Variants in PLXNA1 observed in about 807,000 individuals in gnomAD.
The protein encoded by PLXNA1 is plexin A1.
In PLXNA1, 77 loss-of-function variants were observed where a neutral mutation model predicts 191.7. The ratio of observed to expected loss-of-function variants is 0.40; its 90% CI spans 0.33 to 0.49. The LOEUF (loss-of-function observed/expected upper bound fraction) is 0.49, where lower values mean the gene tolerates loss of function less well. Ranked by LOEUF, PLXNA1 falls within the 20% of genes least tolerant of loss-of-function variation. PLXNA1 has a pLI of 0.63. For missense variants in PLXNA1, 2,110 were observed against 2,660.2 expected (o/e 0.79, Z 4.55); for synonymous variants, 1,137 against 1,156.4 (o/e 0.98, Z 0.34).
At position 127,022,121 on chromosome 3, in the gene PLXNA1, G is replaced by A. The variant is rs766170133; in HGVS notation, c.4075G>A (p.Gly1359Arg). The A allele has an allele frequency of 3.7e-6, 6 of 1,613,026 alleles. No individual in the cohort carries two copies. Among genetic ancestry groups the A allele is most frequent in the African/African-American group, 2.7e-5 (2 of 74,932 alleles). ...ANVEKSLTLF[G>R]QLLTKKHFLL... is the part of the protein sequence containing the mutation. The stretch of plus-strand genomic sequence containing the variant: ...TGTGGAGAAGTCGCTGACACTGTTC[G>A]GGCAGCTGCTGACCAAGAAGCACTT... The change falls in exon 22 of 32, where the codon GGG (glycine) becomes AGG (arginine). Residue 1359 changes from glycine to arginine, a missense_variant. Physicochemically the swap from Gly to Arg is moderately radical, Grantham distance 125. Around this residue, in one of 4 missense-constraint regions of PLXNA1, gnomAD observed 559 missense variants for 911.5 expected, o/e 0.61. Transcript: ENST00000393409.
chr3:127,029,656 T>A, intron 27 of PLXNA1, 120 bp downstream of exon 27: 1 of 1,174,296 alleles, frequency 8.5e-7, no homozygotes, highest in Non-Finnish European at 1.2e-6. Context: ...GTGTCAAGCC[T>A]GTCACTCGCA....
At chr3:127,005,381 T>A in intron 7 of PLXNA1, 138 bp downstream of exon 7, 1 of 1,095,178 alleles carries the variant, frequency 9.1e-7, no homozygotes, top group Non-Finnish European at 1.3e-6. Flanking sequence ...TGGGTGGGGG[T>A]CTCACCACCT....
At position 127,027,999 on chromosome 3, in the gene PLXNA1, G is replaced by A. The variant is rs1357238883; in HGVS notation, c.4422G>A (p.Lys1474=). The A allele has an allele frequency of 6.2e-7, 1 of 1,614,012 alleles. No individual in the cohort carries two copies. The highest frequency in any genetic ancestry group is 1.7e-5 in the Admixed American group (1 of 60,030). The change falls in exon 24 of 32, where the codon AAG becomes AAA. Residue 1474 remains lysine, a synonymous_variant. Transcript: ENST00000393409. ...GCGCCATCAAGCAGCAGATGGAGAA[G>A]GGCCCCATTGACGCCATCACGGGTG... ...LYCAIKQQME[K]GPIDAITGEA... is the part of the protein sequence containing the mutation.
intron 11 of PLXNA1, 30 bp downstream of exon 11, chr3:127,014,146 T>C: frequency 6.2e-7 from 1 of 1,612,982 alleles, no homozygotes; most frequent in Non-Finnish European, 8.5e-7. Context: ...GGGTGGGCAG[T>C]GGGCGGGCCC....
At chr3:126,984,369 G>C (rs533474565) in intron 1 of PLXNA1, among the ~76,000 whole-genome samples, 1 of 152,366 alleles carries the variant, frequency 6.6e-6, no homozygotes, top group South Asian at 2.1e-4. Context: ...GCTGCTCCGT[G>C]CTGCCCCATC....
chr3:127,007,865 C>T lies in PLXNA1; in HGVS notation c.2064C>T (p.His688=), dbSNP rs753007195. The change falls in exon 9 of 32, where the codon CAC becomes CAT. Residue 688 remains histidine, a synonymous_variant. Coordinates refer to ENST00000393409, the MANE Select transcript of PLXNA1 (RefSeq NM_032242.4). ...HWCKYRHVCT[H]NVADCAFLEG... is the part of the protein sequence containing the mutation. ...GCAAATACCGCCACGTGTGCACACA[C>T]AACGTGGCTGACTGCGCCTTCCTGG... 6.2e-6 allele frequency: 10 copies of T among 1,612,644 alleles called. No individual in the cohort carries two copies. Among genetic ancestry groups the T allele is most frequent in the African/African-American group, 1.3e-5 (1 of 75,046 alleles).
rs1424870129 is a variant in PLXNA1, at chr3:127,016,976, A to C, written c.3215A>C (p.Asn1072Thr). 2 of 1,613,220 alleles carry C rather than the reference A, an allele frequency of 1.2e-6. No individual in the cohort carries two copies. Among genetic ancestry groups the C allele is most frequent in the Admixed American group, 3.3e-5 (2 of 60,012 alleles). ...ACCCTCCTGACGGTCACAGGCACCA[A>C]CCTGGCCACTGTCCGTGAACCCCGA... The part of the protein sequence containing the change: ...GGTLLTVTGT[N>T]LATVREPRIR... The change falls in exon 17 of 32, where the codon AAC becomes ACC. Residue 1072 changes from asparagine (N) to threonine (T), a missense_variant. By Grantham distance (65) the Asn-to-Thr change is moderately conservative. Around this residue, in one of 4 missense-constraint regions of PLXNA1, gnomAD observed 644 missense variants for 714.3 expected, o/e 0.90. Transcript: ENST00000393409.
intron 1 of PLXNA1, among the ~76,000 whole-genome samples, chr3:126,984,313 G>C (rs1325079415): frequency 6.6e-6 from 1 of 152,240 alleles, no homozygotes; most frequent in Non-Finnish European, 1.5e-5. Flanking sequence ...CCGGGGAGGG[G>C]ACGTGGTCGA....
chr3:126,991,259 TCTC>T lies in PLXNA1; in HGVS notation c.1195-121_1195-119del, dbSNP rs894551523. 44 of 1,002,582 alleles carry T rather than the reference TCTC, an allele frequency of 4.4e-5. No individual in the cohort carries two copies. In the African/African-American group the frequency reaches 7.0e-4, roughly 16 times the overall value. The allele number at this position is 1,002,582 out of a possible 1,614,324, so 62.1% of individuals were successfully genotyped here. ...GTCTTAAACCCTCTCTGTCTGCACC[TCTC>T]CTCTGGGGGCTACCCCCAACCTCTC... On this transcript the variant is annotated intron_variant, in intron 2 of 31. Transcript: ENST00000393409.
At position 127,034,112 on chromosome 3, in the gene PLXNA1, T is replaced by C; in HGVS notation, c.*95T>C. 8.7e-7 allele frequency: 1 copy of C among 1,154,596 alleles called. No individual in the cohort carries two copies. The highest frequency in any genetic ancestry group is 1.2e-6 in the Non-Finnish European group (1 of 820,104). 71.5% of individuals were successfully genotyped at this position (1,154,596 alleles called of 1,614,324 possible). On this transcript the variant is annotated 3_prime_UTR_variant, in exon 32 of 32. Coordinates refer to ENST00000393409, the MANE Select transcript of PLXNA1 (RefSeq NM_032242.4). ...CGCATGCGTGTGGAGTGTCCGGTGGTGCTCGGGCCGCCGCAGTGCAGCGAC... is the reference window on the plus strand; with the variant it reads ...CGCATGCGTGTGGAGTGTCCGGTGGCGCTCGGGCCGCCGCAGTGCAGCGAC...
chr3:127,004,803 C>T (rs1489744503), intron 5 of PLXNA1, 82 bp from the exon 6 acceptor site: 10 of 1,588,014 alleles, frequency 6.3e-6, no homozygotes, highest in South Asian at 1.1e-5. Flanking sequence ...CAAGCCACCC[C>T]GAGTTCTCTG....
intron 22 of PLXNA1, 140 bp downstream of exon 22, chr3:127,022,481 T>A: frequency 9.1e-7 from 1 of 1,097,990 alleles, no homozygotes. Flanking sequence ...CCTCTGAGGC[T>A]CAGCTGCCAC....
chr3:127,003,432 C>G lies in PLXNA1; in HGVS notation c.1480C>G (p.Pro494Ala). The G allele has an allele frequency of 6.2e-7, 1 of 1,612,158 alleles. No homozygotes were observed. The highest frequency in any genetic ancestry group is 1.1e-5 in the South Asian group (1 of 90,998). The change falls in exon 4 of 32, where the codon CCC (proline) becomes GCC (alanine). Residue 494 changes from proline to alanine, a missense_variant. Transcript: ENST00000393409. ...CATCCTGCGAGACCTCGTCCTCAGC[C>G]CCAACCACCAGTACCTCTACGCCAT... The part of the protein sequence containing the change: ...SPILRDLVLS[P>A]NHQYLYAMTE...
rs1436300869 is a variant in PLXNA1, at chr3:127,036,039, C to T, written c.*2022C>T. On this transcript the variant is annotated 3_prime_UTR_variant, in exon 32 of 32. Transcript: ENST00000393409. Reference sequence around the variant, plus strand: ...CTTGGGGGCCAGAGCTGAGGCCAGTCCATATTACAGTGGCTGGGCTGTTTT... The same window carrying T: ...CTTGGGGGCCAGAGCTGAGGCCAGTTCATATTACAGTGGCTGGGCTGTTTT... The T allele has an allele frequency of 6.5e-6, 1 of 152,732 alleles. No individual in the cohort carries two copies. Among genetic ancestry groups the T allele is most frequent in the African/African-American group, 2.4e-5 (1 of 41,426 alleles). The allele number at this position is 152,732 out of a possible 1,614,324, so 9.5% of individuals were successfully genotyped here.
At chr3:126,993,524 G>A (rs1363430550) in intron 3 of PLXNA1, among the ~76,000 whole-genome samples, 2 of 152,132 alleles carry the variant, frequency 1.3e-5, no homozygotes, top group South Asian at 2.1e-4. Flanking sequence ...GACCCTGGCC[G>A]GGCCCCCACC....
chr3:126,983,239 C>G lies in PLXNA1; in HGVS notation c.-122C>G, dbSNP rs2078939481. ...GGGCGGACGGCGGCGGCGGCGCGGG[C>G]GGCTGGGCGCGGCGATGGCCGGCGG... On this transcript the variant is annotated 5_prime_UTR_variant, in exon 1 of 32. Coordinates refer to ENST00000393409, the MANE Select transcript of PLXNA1 (RefSeq NM_032242.4). Among the ~76,000 whole-genome samples, 2 of 142,666 alleles carry G rather than the reference C, an allele frequency of 1.4e-5. No individual in the cohort carries two copies. Among genetic ancestry groups the G allele is most frequent in the Non-Finnish European group, 3.1e-5 (2 of 64,648 alleles). 93.6% of individuals were successfully genotyped at this position (142,666 alleles called of 152,430 possible). A position where few individuals can be genotyped will look rare whatever the true frequency, so the allele number is the denominator to read the frequency against.
In PLXNA1 at chr3:127,029,934, C is replaced by G; in HGVS notation, c.4931C>G (p.Thr1644Arg). 1 of 1,613,568 alleles carries G rather than the reference C, an allele frequency of 6.2e-7. No individual in the cohort carries two copies. Among genetic ancestry groups the G allele is most frequent in the Non-Finnish European group, 8.5e-7 (1 of 1,179,948 alleles). The change falls in exon 28 of 32, where the codon ACG becomes AGG. Residue 1644 changes from threonine (T) to arginine (R), a missense_variant. Around this residue, in one of 4 missense-constraint regions of PLXNA1, gnomAD observed 559 missense variants for 911.5 expected, o/e 0.61. Coordinates refer to ENST00000393409, the MANE Select transcript of PLXNA1 (RefSeq NM_032242.4). ...DSLRSRTPMITPDLESGTKLW... is the reference protein window; with the variant it reads ...DSLRSRTPMIRPDLESGTKLW... Reference sequence around the variant, plus strand: ...CTGCGCTCGCGCACGCCCATGATCACGCCCGACCTGGAGAGCGGCACCAAG... The same window carrying G: ...CTGCGCTCGCGCACGCCCATGATCAGGCCCGACCTGGAGAGCGGCACCAAG...
chr3:127,022,690 G>A, intron 22 of PLXNA1, 62 bp from the exon 23 acceptor site: 1 of 1,470,200 alleles, frequency 6.8e-7, no homozygotes, highest in Non-Finnish European at 9.5e-7. Context: ...AGGCCTGCAG[G>A]GGCCCTGTGC....
rs767804698 is a variant in PLXNA1, at chr3:127,030,359, C to T, written c.5178C>T (p.Ala1726=). The T allele has an allele frequency of 1.2e-5, 20 of 1,613,904 alleles. 1 individual carries two copies. The highest frequency in any genetic ancestry group is 6.6e-5 in the South Asian group (6 of 91,084). Residue 1726 remains alanine, a synonymous_variant, in exon 29 of 32, where the codon GCC becomes GCT. Coordinates refer to ENST00000393409, the MANE Select transcript of PLXNA1 (RefSeq NM_032242.4). The part of the protein sequence containing the change: ...KYMFDFLDEQ[A]DKHQIHDADV... ...TGTTCGACTTCCTGGATGAGCAGGC[C>T]GACAAGCACCAGATCCACGATGCTG... is the stretch of plus-strand genomic sequence containing the variant.
Sources: gnomAD v4.1 joint callset for allele counts (sites outside exome capture counted in the v4.1 genomes callset) on GRCh38, gnomAD v4.1.1 for gene constraint, gnomAD v4.1.1 regional missense constraint, MANE v1.5 for transcripts, NCBI Gene and HGNC (gene_info 2026-07-23, HGNC 2026-07-21) for gene names.